The following RIMS2 variants were observed in gnomAD, a reference collection of about 807,000 sequenced individuals.
The protein encoded by RIMS2 is regulating synaptic membrane exocytosis protein 2.
In RIMS2, 59 loss-of-function variants were observed where a neutral mutation model predicts 174.4. The observed-to-expected ratio is 0.34, with a 90% CI of 0.27 to 0.42. The LOEUF (loss-of-function observed/expected upper bound fraction) is 0.42. RIMS2 is among the 10% of genes least tolerant of loss of function. The pLI is 1.00. For synonymous variants in RIMS2, 606 were observed against 572.5 expected (o/e 1.06, Z -0.84); for missense variants, 1,620 against 1,666.3 (o/e 0.97, Z 0.48).
At chr8:104,242,814 C>T (rs113965085) in intron 19 of RIMS2, among the ~76,000 whole-genome samples, 2 of 152,308 alleles carry the variant, frequency 1.3e-5, no homozygotes, top group African/African-American at 4.8e-5. Context: ...ATATGATTGT[C>T]CCCTCTTAGT....
At chr8:103,841,886 C>A (rs2098941778) in intron 3 of RIMS2, among the ~76,000 whole-genome samples, 1 of 151,530 alleles carries the variant, frequency 6.6e-6, no homozygotes, top group Non-Finnish European at 1.5e-5. Context: ...ACCCGGGAGG[C>A]AGAGGTTGCA....
chr8:103,896,625 G>A (rs34127977), intron 4 of RIMS2, among the ~76,000 whole-genome samples: 1,821 of 151,678 alleles, frequency 0.012, 13 homozygotes, highest in Non-Finnish European at 0.02. Context: ...TTCAGGCAAG[G>A]TTCAGCTGTG....
At chr8:104,022,262 G>C (rs756385338) in intron 19 of RIMS2, among the ~76,000 whole-genome samples, 89 of 152,008 alleles carry the variant, frequency 5.9e-4, no homozygotes, top group Non-Finnish European at 9.0e-4. Flanking sequence ...TTTGGGGAAG[G>C]GCTGTTTTTA....
chr8:104,079,714 C>T (rs775724326), intron 19 of RIMS2, among the ~76,000 whole-genome samples: 1 of 146,548 alleles, frequency 6.8e-6, no homozygotes, highest in Non-Finnish European at 1.5e-5. Flanking sequence ...ATGGCATTAC[C>T]ACATAAAATA....
At chr8:103,835,249 G>A (rs377157474) in intron 3 of RIMS2, among the ~76,000 whole-genome samples, 6 of 151,518 alleles carry the variant, frequency 4.0e-5, no homozygotes, top group East Asian at 1.9e-4. Context: ...CTACAGGCAC[G>A]TGCCACCAGG....
chr8:103,504,854 T>C (rs1329855269), intron 1 of RIMS2, among the ~76,000 whole-genome samples: 7 of 146,654 alleles, frequency 4.8e-5, no homozygotes, highest in Admixed American at 2.7e-4. Context: ...TTCTTTTTTT[T>C]TTTTTTTTTT....
In RIMS2 at chr8:103,569,017, G is replaced by A. The variant is rs1200660266; in HGVS notation, c.176+67955G>A. ...CGCTCTTTTCACTTTCTTGATGGAG[G>A]CCTTTGCACAAAGTTAATTTTGATG... On this transcript the variant is annotated intron_variant, in intron 1 of 23. Coordinates refer to ENST00000504942, the Ensembl canonical transcript of RIMS2. The A allele has an allele frequency of 1.1e-5, 5 of 445,082 alleles. No individual in the cohort carries two copies. In the East Asian group the frequency reaches 1.3e-4, roughly 11 times the overall value. The allele number at this position is 445,082 out of a possible 1,614,324, so 27.6% of individuals were successfully genotyped here.
intron 3 of RIMS2, among the ~76,000 whole-genome samples, chr8:103,783,844 C>T (rs977091480): frequency 1.1e-4 from 16 of 151,780 alleles, no homozygotes; most frequent in African/African-American, 3.6e-4. Flanking sequence ...AATCGCCACA[C>T]TGACTTCCAC....
chr8:104,183,948 G>T (rs2098954506), intron 19 of RIMS2, among the ~76,000 whole-genome samples: 1 of 151,538 alleles, frequency 6.6e-6, no homozygotes, highest in South Asian at 2.1e-4. Flanking sequence ...ACACTTAATA[G>T]CAGCTTTAGA....
intron 9 of RIMS2, chr8:103,921,007 A>G: frequency 1.1e-5 from 1 of 90,836 alleles, no homozygotes; most frequent in Non-Finnish European, 3.0e-5. Flanking sequence ...TCAAAGCAAC[A>G]ACAACAACAA....
At chr8:103,786,074 T>G (rs2098440679) in intron 3 of RIMS2, among the ~76,000 whole-genome samples, 1 of 152,164 alleles carries the variant, frequency 6.6e-6, no homozygotes, top group Admixed American at 6.5e-5. Context: ...GTTTGTAGTA[T>G]TCTCTGATGG....
At chr8:104,248,933 ATTT>A in intron 21 of RIMS2, 120 bp downstream of exon 27, 1 of 484,238 alleles carries the variant, frequency 2.1e-6, no homozygotes, top group Non-Finnish European at 3.6e-6. Context: ...CTCTCCCTCT[ATTT>A]TTTTTTTTTT....
chr8:103,762,080 G>A (rs2098118971), intron 2 of RIMS2, among the ~76,000 whole-genome samples: 1 of 132,588 alleles, frequency 7.5e-6, no homozygotes, highest in African/African-American at 2.8e-5. Context: ...TATTATTTTT[G>A]TGGTTTAAAA....
At chr8:103,727,627 T>TTGGGATCTAGTCTTATTC (rs2097541086) in intron 2 of RIMS2, among the ~76,000 whole-genome samples, 2 of 152,278 alleles carry the variant, frequency 1.3e-5, no homozygotes, top group South Asian at 4.1e-4. Flanking sequence ...TGGCAAGAGA[T>TTGGGATCTAGTCTTATTC]TGGGATCTAG....
intron 3 of RIMS2, among the ~76,000 whole-genome samples, chr8:103,864,896 A>C (rs1365991694): frequency 6.6e-6 from 1 of 152,130 alleles, no homozygotes; most frequent in East Asian, 1.9e-4. Context: ...GGAAAAGCAA[A>C]ATAAACTCCT....
At chr8:104,104,490 A>C (rs2097991459) in intron 19 of RIMS2, among the ~76,000 whole-genome samples, 1 of 152,192 alleles carries the variant, frequency 6.6e-6, no homozygotes, top group Non-Finnish European at 1.5e-5. Flanking sequence ...AGTGCTAAAT[A>C]AGAAGGAAGA....
At chr8:104,194,297 G>A (rs1322091623) in intron 19 of RIMS2, among the ~76,000 whole-genome samples, 1 of 152,016 alleles carries the variant, frequency 6.6e-6, no homozygotes, top group Non-Finnish European at 1.5e-5. Context: ...CCAAAATTAT[G>A]AGCAATTAAG....
At chr8:104,248,330 A>C (rs900936437) in intron 20 of RIMS2, among the ~76,000 whole-genome samples, 2 of 152,176 alleles carry the variant, frequency 1.3e-5, no homozygotes, top group African/African-American at 4.8e-5. Flanking sequence ...ATGAAATAGG[A>C]GAAATAATAG....
intron 2 of RIMS2, among the ~76,000 whole-genome samples, chr8:103,702,790 C>T (rs2097180503): frequency 6.8e-6 from 1 of 147,304 alleles, no homozygotes. Flanking sequence ...TAGTACTATG[C>T]TGTTTTGGTT....
Sources: gnomAD v4.1 joint callset for allele counts (sites outside exome capture counted in the v4.1 genomes callset) on GRCh38, gnomAD v4.1.1 for gene constraint, MANE v1.5 for transcripts, NCBI Gene and HGNC (gene_info 2026-07-23, HGNC 2026-07-21) for gene names.